TRAM2: variants seen among roughly 807,000 people sequenced by gnomAD.
TRAM2 encodes translocating chain-associated membrane protein 2.
TRAM2 carries 12 observed loss-of-function variants against 51.0 expected under a neutral mutation model. The observed-to-expected ratio is 0.24, with a 90% CI of 0.15 to 0.38. The LOEUF is 0.38. Among genes scored for constraint, TRAM2 ranks in the 10% least tolerant of loss-of-function variants. The pLI is 1.00. For synonymous variants in TRAM2, 175 were observed against 179.4 expected (o/e 0.98, Z 0.20); for missense variants, 361 against 462.0 (o/e 0.78, Z 2.00).
intron 2 of TRAM2, among the ~76,000 whole-genome samples, chr6:52,527,457 G>C (rs1295738958): frequency 6.9e-6 from 1 of 145,810 alleles, no homozygotes; most frequent in Non-Finnish European, 1.5e-5. Flanking sequence ...AGGAGAAATA[G>C]GAAAGTGAAA....
intron 1 of TRAM2, among the ~76,000 whole-genome samples, chr6:52,574,638 C>T (rs535058698): frequency 6.6e-6 from 1 of 152,326 alleles, no homozygotes; most frequent in East Asian, 1.9e-4. Context: ...TTGCTACACT[C>T]CCCAATACAA....
chr6:52,499,988 C>T lies in TRAM2; in HGVS notation c.*3209G>A, dbSNP rs974290095. 1.3e-5 allele frequency: 2 copies of T among 152,196 alleles called. No homozygotes were observed. The highest frequency in any genetic ancestry group is 2.9e-5 in the Non-Finnish European group (2 of 68,076). 9.4% of individuals were successfully genotyped at this position (152,196 alleles called of 1,614,324 possible). A position where few individuals can be genotyped will look rare whatever the true frequency, so the allele number is the denominator to read the frequency against. ...CAGCGCCCGGATGGTAAAAATAACT[C>T]CCATCATCACTGCACCTCCAAGGAG... On this transcript the variant is annotated 3_prime_UTR_variant, in exon 11 of 11. Coordinates refer to ENST00000182527, the MANE Select transcript of TRAM2 (RefSeq NM_012288.4).
At chr6:52,551,216 C>T (rs1488550370) in intron 1 of TRAM2, among the ~76,000 whole-genome samples, 2 of 152,172 alleles carry the variant, frequency 1.3e-5, no homozygotes, top group Non-Finnish European at 2.9e-5. Context: ...GCTTCATGAA[C>T]ACTCGATCAC....
intron 2 of TRAM2, 144 bp downstream of exon 2, chr6:52,535,639 C>A: frequency 1.6e-6 from 1 of 619,468 alleles, no homozygotes; most frequent in Non-Finnish European, 2.8e-6. Flanking sequence ...CAAGATTGTG[C>A]CACTGCACTC....
In TRAM2 at chr6:52,574,428, C is replaced by T. The variant is rs113426474; in HGVS notation, c.120+2368G>A. On this transcript the variant is annotated intron_variant, in intron 1 of 10. Coordinates refer to ENST00000182527, the MANE Select transcript of TRAM2 (RefSeq NM_012288.4). ...TGAGGCCCCCACCATGTGCCCAGCA[C>T]AGAAGAACACAAGACCTTCTTACTG... Among the ~76,000 whole-genome samples, 591 of 152,326 alleles carry T rather than the reference C, an allele frequency of 3.9e-3. 5 individuals carry two copies. Among genetic ancestry groups the T allele is most frequent in the African/African-American group, 0.013 (556 of 41,548 alleles).
At chr6:52,531,763 T>G (rs999365730) in intron 2 of TRAM2, among the ~76,000 whole-genome samples, 2 of 152,234 alleles carry the variant, frequency 1.3e-5, no homozygotes, top group African/African-American at 4.8e-5. Flanking sequence ...GCCACCCCTT[T>G]GCTTTTCCTT....
In TRAM2 at chr6:52,576,739, G is replaced by C; in HGVS notation, c.120+57C>G. ...GCCCGCTGACCTGCAGGGGTGTGCC[G>C]GGCGGTGCACGACAGGGGGCACTGT... On this transcript the variant is annotated intron_variant, in intron 1 of 10. Transcript: ENST00000182527. 3.2e-6 allele frequency: 5 copies of C among 1,586,554 alleles called. No homozygotes were observed. The South Asian group carries it at 4.5e-5, about 14-fold the overall frequency.
chr6:52,564,568 T>A (rs1363276016), intron 1 of TRAM2, among the ~76,000 whole-genome samples: 1 of 152,082 alleles, frequency 6.6e-6, no homozygotes, highest in East Asian at 1.9e-4. Context: ...CATCTCCTTT[T>A]TAAAATGAAC....
intron 10 of TRAM2, 150 bp downstream of exon 10, chr6:52,504,441 A>G (rs1340079562): frequency 7.1e-7 from 1 of 1,403,082 alleles, no homozygotes; most frequent in Non-Finnish European, 9.4e-7. Flanking sequence ...TCAGGGAGCT[A>G]GGAGCCCCAG....
chr6:52,535,672 A>T, intron 2 of TRAM2, 111 bp downstream of exon 2: 1 of 873,690 alleles, frequency 1.1e-6, no homozygotes, highest in Non-Finnish European at 1.8e-6. Context: ...CAGAGCAGAG[A>T]CTCCGTCATG....
In TRAM2 at chr6:52,498,481, CG is replaced by C. The variant is rs1562470970; in HGVS notation, c.*4715del. 1 of 152,046 alleles carries C rather than the reference CG, an allele frequency of 6.6e-6. No individual in the cohort carries two copies. The highest frequency in any genetic ancestry group is 2.4e-5 in the African/African-American group (1 of 41,370). 9.4% of individuals were successfully genotyped at this position (152,046 alleles called of 1,614,324 possible). ...AAGCAAAATAGACCAAAAGAGGTTA[CG>C]GCAAGTGGGCCTTTTAAAAAAAATC... On this transcript the variant is annotated 3_prime_UTR_variant, in exon 11 of 11. Transcript: ENST00000182527.
intron 2 of TRAM2, among the ~76,000 whole-genome samples, chr6:52,528,215 C>T (rs542395689): frequency 1.0e-3 from 156 of 152,182 alleles, no homozygotes; most frequent in African/African-American, 3.6e-3. Context: ...CTTGGGAGCA[C>T]CAATCAATTC....
intron 1 of TRAM2, among the ~76,000 whole-genome samples, chr6:52,564,325 G>A (rs76555766): frequency 0.062 from 9,446 of 152,120 alleles, 781 homozygotes; most frequent in African/African-American, 0.19. Context: ...TATTACCTAA[G>A]CTGAGGACCA....
At chr6:52,537,095 C>T (rs1472618899) in intron 1 of TRAM2, among the ~76,000 whole-genome samples, 1 of 152,198 alleles carries the variant, frequency 6.6e-6, no homozygotes, top group Non-Finnish European at 1.5e-5. Context: ...TCCCCACTCC[C>T]CTGGTCAACA....
At chr6:52,562,198 T>C (rs1464829326) in intron 1 of TRAM2, among the ~76,000 whole-genome samples, 2 of 152,212 alleles carry the variant, frequency 1.3e-5, no homozygotes, top group Non-Finnish European at 1.5e-5. Context: ...CTACAGATAC[T>C]ATGGTAAGCA....
At chr6:52,549,100 C>G (rs1354138429) in intron 1 of TRAM2, among the ~76,000 whole-genome samples, 1 of 152,202 alleles carries the variant, frequency 6.6e-6, no homozygotes, top group African/African-American at 2.4e-5. Context: ...TTAGGATAGT[C>G]ATAACGGCTT....
chr6:52,568,664 T>A (rs1303326401), intron 1 of TRAM2, among the ~76,000 whole-genome samples: 3 of 152,206 alleles, frequency 2.0e-5, no homozygotes, highest in African/African-American at 7.2e-5. Flanking sequence ...CTATCCTTTG[T>A]CTTGAGGTAG....
At chr6:52,540,671 G>A (rs780580314) in intron 1 of TRAM2, among the ~76,000 whole-genome samples, 2 of 152,134 alleles carry the variant, frequency 1.3e-5, no homozygotes, top group African/African-American at 2.4e-5. Flanking sequence ...GTCCCTCTCC[G>A]CAAGCACCAG....
At chr6:52,511,523 T>C (rs961280266) in intron 4 of TRAM2, among the ~76,000 whole-genome samples, 9 of 152,224 alleles carry the variant, frequency 5.9e-5, no homozygotes, top group African/African-American at 2.2e-4. Flanking sequence ...ATGAGAAGGC[T>C]GAGAACCTCA....
Sources: gnomAD v4.1 joint callset for allele counts (sites outside exome capture counted in the v4.1 genomes callset) on GRCh38, gnomAD v4.1.1 for gene constraint, MANE v1.5 for transcripts, NCBI Gene and HGNC (gene_info 2026-07-23, HGNC 2026-07-21) for gene names.